Variants in TCF4 observed in about 807,000 individuals in gnomAD.
The protein encoded by TCF4 is SL3-3 enhancer factor 2.
TCF4 carries 3 observed loss-of-function variants against 82.1 expected under a neutral mutation model. The observed-to-expected ratio is 0.04, with a 90% confidence interval of 0.02 to 0.09. TCF4 has a LOEUF of 0.09. Among genes scored for constraint, TCF4 ranks in the 10% least tolerant of loss-of-function variants. TCF4 has a pLI of 1.00. For missense variants in TCF4, 518 were observed against 852.7 expected, an observed-to-expected ratio of 0.61 and a Z score of 4.89; for synonymous variants, 276 against 309.6, an observed-to-expected ratio of 0.89 and a Z score of 1.14.
upstream of TCF4, among the ~76,000 whole-genome samples, chr18:55,592,748 T>C (rs1002864103): frequency 1.2e-4 from 18 of 152,110 alleles, no homozygotes; most frequent in African/African-American, 4.1e-4. Context: ...TTGTAGTCAG[T>C]GGGCCAGACC....
chr18:55,537,682 G>A (rs1337486164), intron 3 of TCF4, among the ~76,000 whole-genome samples: 1 of 152,136 alleles, frequency 6.6e-6, no homozygotes, highest in African/African-American at 2.4e-5. Flanking sequence ...GTGTGTATAA[G>A]TTTGTTGCGG....
chr18:55,568,157 C>A (rs2097426313), intron 3 of TCF4, among the ~76,000 whole-genome samples: 1 of 144,516 alleles, frequency 6.9e-6, no homozygotes, highest in African/African-American at 2.7e-5. Flanking sequence ...AAGTAGTCAA[C>A]TCTATTTAGA....
At chr18:55,594,324 G>A (rs778758975) in intron 2 of TCF4, among the ~76,000 whole-genome samples, 4 of 152,116 alleles carry the variant, frequency 2.6e-5, no homozygotes, top group Non-Finnish European at 4.4e-5. Flanking sequence ...GTGCCCAAAT[G>A]GGATCCTCAT....
intron 3 of TCF4, among the ~76,000 whole-genome samples, chr18:55,506,154 T>G (rs2096757212): frequency 6.6e-6 from 1 of 152,190 alleles, no homozygotes; most frequent in African/African-American, 2.4e-5. Flanking sequence ...GAGTTTTGCT[T>G]AAAGACCAGA....
At chr18:55,260,065 C>T in intron 12 of TCF4, 38 bp from the exon 13 acceptor site, 2 of 1,453,698 alleles carry the variant, frequency 1.4e-6, no homozygotes, top group Non-Finnish European at 9.7e-7. Flanking sequence ...CACCCTCATT[C>T]ATTAAAATAA....
At chr18:55,426,634 A>G (rs534957777) in intron 5 of TCF4, among the ~76,000 whole-genome samples, 2 of 152,250 alleles carry the variant, frequency 1.3e-5, no homozygotes, top group African/African-American at 4.8e-5. Context: ...CTTAGTGTAT[A>G]TTTGTGATGT....
At chr18:55,584,915 C>T (rs1040574188) in intron 3 of TCF4, among the ~76,000 whole-genome samples, 3 of 152,038 alleles carry the variant, frequency 2.0e-5, no homozygotes, top group African/African-American at 7.2e-5. Flanking sequence ...AAGGGATTTT[C>T]CCATTTTATG....
chr18:55,590,648 C>G (rs955359905), upstream of TCF4, among the ~76,000 whole-genome samples: 2 of 152,138 alleles, frequency 1.3e-5, no homozygotes, highest in Non-Finnish European at 2.9e-5. Context: ...CAACTGATAC[C>G]GCTAACCTAG....
rs2097629119 is a variant in TCF4 at position 55,585,285 on chromosome 18, C to T, written c.140G>A (p.Gly47Asp). The T allele has an allele frequency of 6.2e-7, 1 of 1,613,556 alleles. No individual in the cohort carries two copies. Among genetic ancestry groups the T allele is most frequent in the Non-Finnish European group, 8.5e-7 (1 of 1,179,658 alleles). Residue 47 changes from glycine (G) to aspartate (D), a missense_variant, in exon 3 of 20, where the codon GGC becomes GAC. This residue lies in a region of TCF4 where 80 missense variants were observed against 93.8 expected (regional missense o/e 0.85). Coordinates refer to ENST00000354452, the MANE Select transcript of TCF4 (RefSeq NM_001083962.2). ...PTSLASGHFT[G>D]SNVEDRSSSG... ...TAAGAAAAGAATTTACATACTTGAG[C>T]CAGTAAAATGTCCACTTGCCAAAGA...
intron 2 of TCF4, among the ~76,000 whole-genome samples, chr18:55,626,471 TTA>T (rs1207301131): frequency 1.3e-5 from 2 of 152,188 alleles, no homozygotes; most frequent in African/African-American, 4.8e-5. Flanking sequence ...AGGTGGAATT[TTA>T]TATATGTTTG....
intron 15 of TCF4, among the ~76,000 whole-genome samples, chr18:55,240,690 G>A (rs556640111): frequency 3.3e-5 from 5 of 152,284 alleles, no homozygotes; most frequent in African/African-American, 1.2e-4. Flanking sequence ...ATAACCACCT[G>A]TTGTGGGAGA....
intron 11 of TCF4, 43 bp from the exon 12 acceptor site, chr18:55,261,576 C>A (rs35918540): frequency 6.2e-7 from 1 of 1,607,914 alleles, no homozygotes; most frequent in Admixed American, 1.7e-5. Context: ...GGCAGTGAGA[C>A]GTCTAACAAT....
chr18:55,421,412 C>T (rs193294577), intron 5 of TCF4, among the ~76,000 whole-genome samples: 2 of 152,252 alleles, frequency 1.3e-5, no homozygotes, highest in East Asian at 3.9e-4. Flanking sequence ...TACTGAAATA[C>T]TCTAAAAAAT....
At chr18:55,523,127 A>T (rs1251193488) in intron 3 of TCF4, among the ~76,000 whole-genome samples, 1 of 152,074 alleles carries the variant, frequency 6.6e-6, no homozygotes, top group Non-Finnish European at 1.5e-5. Context: ...TTAAAAGGAA[A>T]AAACTGCCAA....
intron 8 of TCF4, among the ~76,000 whole-genome samples, chr18:55,313,126 A>G (rs1054669843): frequency 1.3e-5 from 2 of 152,172 alleles, no homozygotes; most frequent in African/African-American, 4.8e-5. Flanking sequence ...TAGCAAACAG[A>G]TGGCTCAAAA....
intron 3 of TCF4, among the ~76,000 whole-genome samples, chr18:55,568,121 A>C (rs1357362324): frequency 6.6e-6 from 1 of 151,802 alleles, no homozygotes; most frequent in Non-Finnish European, 1.5e-5. Context: ...ATATTATAAA[A>C]AGAAATTATG....
At chr18:55,300,132 T>G (rs2067747389) in intron 8 of TCF4, among the ~76,000 whole-genome samples, 1 of 151,068 alleles carries the variant, frequency 6.6e-6, no homozygotes, top group Admixed American at 6.6e-5. Context: ...ACACCCCACA[T>G]TAATCTCTAT....
chr18:55,355,022 C>T (rs1010083213), intron 6 of TCF4, among the ~76,000 whole-genome samples: 2 of 152,136 alleles, frequency 1.3e-5, no homozygotes, highest in African/African-American at 4.8e-5. Context: ...TGAACTATTG[C>T]CAAATGCTTG....
intron 15 of TCF4, among the ~76,000 whole-genome samples, chr18:55,239,175 C>T (rs532431302): frequency 1.6e-4 from 24 of 152,276 alleles, no homozygotes; most frequent in African/African-American, 5.3e-4. Flanking sequence ...TTTTGAATCA[C>T]GTAAGCACCA....
Sources: gnomAD v4.1 joint callset for allele counts (sites outside exome capture counted in the v4.1 genomes callset) on GRCh38, gnomAD v4.1.1 for gene constraint, gnomAD v4.1.1 regional missense constraint, MANE v1.5 for transcripts, NCBI Gene and HGNC (gene_info 2026-07-23, HGNC 2026-07-21) for gene names.